Variants in GRID1 observed in about 807,000 individuals in gnomAD.
GRID1 encodes glutamate receptor ionotropic, delta-1.
GRID1 carries 28 observed loss-of-function variants against 98.0 expected under a neutral mutation model. The ratio of observed to expected loss-of-function variants is 0.29; its 90% confidence interval spans 0.21 to 0.39. The LOEUF (loss-of-function observed/expected upper bound fraction) is 0.39, where lower values mean the gene tolerates loss of function less well. Among genes scored for constraint, GRID1 ranks in the 10% least tolerant of loss-of-function variants. The probability of loss-of-function intolerance (pLI) is 1.00; values close to 1 mark genes in which losing one functional copy is unlikely to be tolerated. For synonymous variants in GRID1, 553 were observed against 538.5 expected (o/e 1.03, Z -0.37); for missense variants, 1,111 against 1,340.5 (o/e 0.83, Z 2.67).
chr10:86,258,583 T>C (rs1390938417), intron 2 of GRID1, among the ~76,000 whole-genome samples: 1 of 152,168 alleles, frequency 6.6e-6, no homozygotes, highest in Non-Finnish European at 1.5e-5. Context: ...CCATCTCTCA[T>C]GGCAGAGGGA....
rs73330557 is a variant in GRID1 at position 85,818,564 on chromosome 10, T to G, written c.1233+35932A>C. Among the ~76,000 whole-genome samples, 866 of 152,242 alleles carry G rather than the reference T, an allele frequency of 5.7e-3. 8 individuals carry two copies. The highest frequency in any genetic ancestry group is 0.02 in the African/African-American group (814 of 41,556). ...AGCTCCTTGGAGACATGGCTAATTCTAGGTCAGAGGCAAGGAAAATACAAG... is the reference window on the plus strand; with the variant it reads ...AGCTCCTTGGAGACATGGCTAATTCGAGGTCAGAGGCAAGGAAAATACAAG... On this transcript the variant is annotated intron_variant, in intron 8 of 15. Transcript: ENST00000327946.
chr10:86,263,488 T>C (rs1025894999), intron 2 of GRID1, among the ~76,000 whole-genome samples: 1 of 152,156 alleles, frequency 6.6e-6, no homozygotes, highest in Non-Finnish European at 1.5e-5. Context: ...GTGGGCGCCG[T>C]GGCCTTTCAC....
intron 4 of GRID1, among the ~76,000 whole-genome samples, chr10:86,083,428 ATG>A (rs2131932153): frequency 6.6e-6 from 1 of 152,316 alleles, no homozygotes; most frequent in East Asian, 1.9e-4. Context: ...GTTTTGCACA[ATG>A]TGACACACAG....
intron 5 of GRID1, among the ~76,000 whole-genome samples, chr10:85,905,067 G>A (rs1316821459): frequency 6.6e-6 from 1 of 151,788 alleles, no homozygotes; most frequent in Non-Finnish European, 1.5e-5. Context: ...AGAAAACCAT[G>A]CCAAGGTACA....
intron 13 of GRID1, among the ~76,000 whole-genome samples, chr10:85,642,660 T>A (rs1471508476): frequency 6.6e-6 from 1 of 152,166 alleles, no homozygotes; most frequent in Admixed American, 6.5e-5. Context: ...AAATAAAAAT[T>A]CCCTCCTGTT....
At chr10:86,050,415 G>A (rs888688073) in intron 4 of GRID1, among the ~76,000 whole-genome samples, 3 of 152,104 alleles carry the variant, frequency 2.0e-5, no homozygotes, top group African/African-American at 7.2e-5. Context: ...GTGTACCCAT[G>A]GCTGAACTTG....
chr10:86,152,887 C>T (rs1421475097), intron 3 of GRID1, among the ~76,000 whole-genome samples: 2 of 152,224 alleles, frequency 1.3e-5, no homozygotes, highest in Non-Finnish European at 2.9e-5. Flanking sequence ...TTTCCACTGA[C>T]CTCATGACAA....
chr10:85,828,313 G>C (rs1410666106), intron 8 of GRID1, among the ~76,000 whole-genome samples: 1 of 152,052 alleles, frequency 6.6e-6, no homozygotes, highest in East Asian at 1.9e-4. Flanking sequence ...AAAATTTATA[G>C]TGCTGAATCC....
chr10:86,364,200 T>A, intron 1 of GRID1, 104 bp from the exon 2 acceptor site: 1 of 912,358 alleles, frequency 1.1e-6, no homozygotes, highest in Non-Finnish European at 1.7e-6. Flanking sequence ...TGCCGGGTGG[T>A]GGGAAGTCTG....
chr10:85,792,539 G>C (rs902501424), intron 8 of GRID1, among the ~76,000 whole-genome samples: 1 of 152,186 alleles, frequency 6.6e-6, no homozygotes, highest in African/African-American at 2.4e-5. Flanking sequence ...GACTCTGGAG[G>C]AATCCAGCTT....
chr10:85,874,577 T>G (rs1268033964), intron 5 of GRID1, among the ~76,000 whole-genome samples: 5 of 152,214 alleles, frequency 3.3e-5, no homozygotes, highest in African/African-American at 1.2e-4. Flanking sequence ...GGAATATATT[T>G]TTTTATTCTA....
At chr10:86,254,994 A>C (rs1297771390) in intron 2 of GRID1, among the ~76,000 whole-genome samples, 1 of 152,136 alleles carries the variant, frequency 6.6e-6, no homozygotes, top group Non-Finnish European at 1.5e-5. Context: ...AAACAACTCC[A>C]GCCTGAGCCT....
chr10:86,170,028 T>G (rs559466399), intron 3 of GRID1, among the ~76,000 whole-genome samples: 99 of 152,282 alleles, frequency 6.5e-4, no homozygotes, highest in African/African-American at 2.3e-3. Flanking sequence ...CCATGGACTC[T>G]CAGAAGACAG....
intron 5 of GRID1, among the ~76,000 whole-genome samples, chr10:85,884,243 C>A (rs1841080073): frequency 6.6e-6 from 1 of 151,978 alleles, no homozygotes; most frequent in Non-Finnish European, 1.5e-5. Flanking sequence ...GCTAATTATT[C>A]TTCCATGAAG....
intron 6 of GRID1, among the ~76,000 whole-genome samples, chr10:85,864,683 C>T (rs978832879): frequency 6.6e-6 from 1 of 152,140 alleles, no homozygotes; most frequent in Non-Finnish European, 1.5e-5. Flanking sequence ...TGGAAGAGTA[C>T]AGAAAACCCT....
intron 4 of GRID1, among the ~76,000 whole-genome samples, chr10:85,962,254 G>A (rs1305583454): frequency 3.9e-5 from 6 of 152,140 alleles, no homozygotes; most frequent in Non-Finnish European, 7.4e-5. Context: ...GCATCCCCGG[G>A]TTCATTGCTC....
chr10:86,101,537 T>G (rs1192946559), intron 4 of GRID1, among the ~76,000 whole-genome samples: 2 of 152,170 alleles, frequency 1.3e-5, no homozygotes, highest in Non-Finnish European at 2.9e-5. Context: ...TGAGGCCTCT[T>G]GAGTGCAGCT....
intron 8 of GRID1, among the ~76,000 whole-genome samples, chr10:85,834,154 G>A (rs866551774): frequency 4.6e-5 from 7 of 152,076 alleles, no homozygotes; most frequent in Admixed American, 2.6e-4. Flanking sequence ...AACAAGATAA[G>A]CCCAAATAAA....
intron 4 of GRID1, among the ~76,000 whole-genome samples, chr10:86,056,929 C>T (rs1211775829): frequency 2.0e-5 from 3 of 152,208 alleles, no homozygotes; most frequent in Non-Finnish European, 2.9e-5. Context: ...CAGAAGATGC[C>T]TTGTGCTTCC....
Sources: gnomAD v4.1 joint callset for allele counts (sites outside exome capture counted in the v4.1 genomes callset) on GRCh38, gnomAD v4.1.1 for gene constraint, MANE v1.5 for transcripts, NCBI Gene and HGNC (gene_info 2026-07-23, HGNC 2026-07-21) for gene names.